Variants in UGT1A8 observed in about 807,000 individuals in gnomAD.
UGT1A8 encodes UDP-glucuronosyltransferase 1A8.
Under a neutral mutation model 45.3 loss-of-function variants are expected in UGT1A8, and 39 were observed. The ratio of observed to expected loss-of-function variants is 0.86; its 90% confidence interval spans 0.67 to 1.12. The LOEUF (loss-of-function observed/expected upper bound fraction) is 1.12. UGT1A8 is among the 50% of genes most tolerant of loss of function. The pLI is 0.00. For missense variants in UGT1A8, 719 were observed against 664.9 expected, an observed-to-expected ratio of 1.08 and a Z score of -0.90; for synonymous variants, 275 against 249.2, an observed-to-expected ratio of 1.10 and a Z score of -0.97.
At chr2:233,757,839 A>T (rs1696732636) in intron 1 of UGT1A8, among the ~76,000 whole-genome samples, 1 of 151,872 alleles carries the variant, frequency 6.6e-6, no homozygotes, top group Non-Finnish European at 1.5e-5. Flanking sequence ...GTGGCCTACT[A>T]ACTTATGTCT....
At chr2:233,754,202 GAAGTCA>G (rs1362706108) in intron 1 of UGT1A8, 1 of 162,518 alleles carries the variant, frequency 6.2e-6, no homozygotes, top group East Asian at 1.7e-4. Context: ...GTAAAACATT[GAAGTCA>G]AATGATTTAG....
chr2:233,635,856 G>A (rs960784854), intron 1 of UGT1A8, among the ~76,000 whole-genome samples: 1 of 151,034 alleles, frequency 6.6e-6, no homozygotes, highest in Non-Finnish European at 1.5e-5. Flanking sequence ...TGCATGCAAC[G>A]TATCTGAGGA....
Position 233,767,883 on chromosome 2 carries a change from A to G in UGT1A8, c.1022A>G (p.Asn341Ser), listed in dbSNP as rs1336725166. 1.2e-6 allele frequency: 2 copies of G among 1,614,150 alleles called. No homozygotes were observed. The highest frequency in any genetic ancestry group is 2.2e-5 in the South Asian group (2 of 91,074). Residue 341 changes from asparagine to serine, a missense_variant, in exon 3 of 5, where the codon AAT (asparagine) becomes AGT (serine). Coordinates refer to ENST00000373450, the MANE Select transcript of UGT1A8 (RefSeq NM_019076.5). ...LWRYTGTRPSNLANNTILVKW... is the reference protein window; with the variant it reads ...LWRYTGTRPSSLANNTILVKW... The stretch of plus-strand genomic sequence containing the variant: ...CGGTACACTGGAACCCGACCATCGA[A>G]TCTTGCGAACAACACGATACTTGTT...
rs368401609 is a variant in UGT1A8 at position 233,757,130 on chromosome 2, G to C, written c.856-9904G>C. 6.6e-5 allele frequency among the ~76,000 whole-genome samples: 10 copies of C among 151,528 alleles called. No homozygotes were observed. The East Asian group carries it at 9.8e-4, about 15-fold the overall frequency. ...AGCAGAAGGGCTAGAGAGGAGGAAT[G>C]AGCTTGGACAGGTGGGCTGGGGTCT... On this transcript the variant is annotated intron_variant, in intron 1 of 4. Coordinates refer to ENST00000373450, the MANE Select transcript of UGT1A8 (RefSeq NM_019076.5).
Position 233,720,581 on chromosome 2 carries a change from A to G in UGT1A8, c.856-46453A>G, listed in dbSNP as rs181667359. On this transcript the variant is annotated intron_variant, in intron 1 of 4. Transcript: ENST00000373450. ...AGTGGGATCTATTCTTTTTCCAAAA[A>G]TTTCAGAGGTGACTTTCATTAATAC... Among the ~76,000 whole-genome samples, 178 of 152,248 alleles carry G rather than the reference A, an allele frequency of 1.2e-3. 1 individual carries two copies. The highest frequency in any genetic ancestry group is 5.3e-3 in the Admixed American group (81 of 15,296).
chr2:233,682,650 C>G (rs1374491792), intron 1 of UGT1A8: 1 of 1,613,938 alleles, frequency 6.2e-7, no homozygotes, highest in Admixed American at 1.7e-5. Flanking sequence ...CTCCAAACCC[C>G]TGTCACGGCA....
chr2:233,690,582 C>A, intron 1 of UGT1A8: 1 of 1,283,886 alleles, frequency 7.8e-7, no homozygotes, highest in Non-Finnish European at 1.0e-6. Flanking sequence ...CTGCAGCAAT[C>A]CCTGAGAAAA....
chr2:233,713,246 C>T (rs2076296545), intron 1 of UGT1A8: 1 of 1,614,080 alleles, frequency 6.2e-7, no homozygotes, highest in African/African-American at 1.3e-5. Context: ...TTTCATGGAC[C>T]CAGGACGAAT....
chr2:233,711,237 C>G (rs1027973680), intron 1 of UGT1A8, among the ~76,000 whole-genome samples: 6 of 152,218 alleles, frequency 3.9e-5, no homozygotes, highest in Admixed American at 3.9e-4. Context: ...GAAGGCACCA[C>G]CATCTTCCAA....
intron 1 of UGT1A8, among the ~76,000 whole-genome samples, chr2:233,721,326 T>G (rs2076937613): frequency 6.6e-6 from 1 of 152,254 alleles, no homozygotes; most frequent in East Asian, 1.9e-4. Context: ...TTTCTTGTGG[T>G]TTTTCACTAT....
At chr2:233,673,101 G>T (rs986833657) in intron 1 of UGT1A8, among the ~76,000 whole-genome samples, 1 of 152,048 alleles carries the variant, frequency 6.6e-6, no homozygotes, top group African/African-American at 2.4e-5. Context: ...AATTCTATAT[G>T]CCCGCCCCAG....
chr2:233,716,061 G>C (rs2076485433), intron 1 of UGT1A8, among the ~76,000 whole-genome samples: 1 of 152,170 alleles, frequency 6.6e-6, no homozygotes, highest in Admixed American at 6.5e-5. Context: ...ATTCTTAGTT[G>C]TATTCTTTCC....
intron 1 of UGT1A8, chr2:233,682,259 C>G (rs201200762): frequency 1.2e-5 from 20 of 1,614,172 alleles, no homozygotes; most frequent in Middle Eastern, 1.6e-4. Flanking sequence ...TGCATTTTCT[C>G]TATTAACAAG....
intron 1 of UGT1A8, among the ~76,000 whole-genome samples, chr2:233,717,231 A>C (rs2076558649): frequency 6.6e-6 from 1 of 152,160 alleles, no homozygotes; most frequent in African/African-American, 2.4e-5. Flanking sequence ...GAGGGTTCTT[A>C]AGATGCAGAC....
rs1700559887 is a variant in UGT1A8, at chr2:233,772,963, A to G, written c.*404A>G. On this transcript the variant is annotated 3_prime_UTR_variant, in exon 5 of 5. Coordinates refer to ENST00000373450, the MANE Select transcript of UGT1A8 (RefSeq NM_019076.5). ...TGGCTTCTGCAGATGGTTGCAATTG[A>G]TCCTTAACCAATAATGGTCAGTCCT... 3.2e-6 allele frequency: 1 copy of G among 310,458 alleles called. No homozygotes were observed. Among genetic ancestry groups the G allele is most frequent in the South Asian group, 3.3e-5 (1 of 30,404 alleles). 19.2% of individuals were successfully genotyped at this position (310,458 alleles called of 1,614,324 possible).
chr2:233,729,371 T>C, intron 1 of UGT1A8: 2 of 1,614,096 alleles, frequency 1.2e-6, no homozygotes, highest in Non-Finnish European at 8.5e-7. Flanking sequence ...ACCTATGCCA[T>C]TTCGTGGACC....
chr2:233,715,509 C>G (rs991063274), intron 1 of UGT1A8, among the ~76,000 whole-genome samples: 3 of 152,138 alleles, frequency 2.0e-5, no homozygotes, highest in African/African-American at 7.2e-5. Context: ...GGGTAGCTCA[C>G]ACCTGTAATT....
chr2:233,685,013 A>G (rs896439822), intron 1 of UGT1A8, among the ~76,000 whole-genome samples: 3 of 152,124 alleles, frequency 2.0e-5, no homozygotes, highest in African/African-American at 7.2e-5. Context: ...TTGTGCACGT[A>G]TGTGTCTGTA....
At chr2:233,693,078 T>C (rs751253746) in intron 1 of UGT1A8, 2 of 1,614,188 alleles carry the variant, frequency 1.2e-6, no homozygotes, top group South Asian at 2.2e-5. Flanking sequence ...GGCATGGTTG[T>C]AGGTGACAAG....
Sources: gnomAD v4.1 joint callset for allele counts (sites outside exome capture counted in the v4.1 genomes callset) on GRCh38, gnomAD v4.1.1 for gene constraint, MANE v1.5 for transcripts, NCBI Gene and HGNC (gene_info 2026-07-23, HGNC 2026-07-21) for gene names.